The following AADAT variants were observed in gnomAD, a reference collection of about 807,000 sequenced individuals.
The protein encoded by AADAT is aminoadipate aminotransferase, also known as kynurenine/alpha-aminoadipate aminotransferase, mitochondrial.
A neutral mutation model predicts 56.2 loss-of-function variants in AADAT; 25 were observed. The observed-to-expected ratio is 0.44, with a 90% CI of 0.32 to 0.62. The LOEUF (loss-of-function observed/expected upper bound fraction) is 0.62, where lower values mean the gene tolerates loss of function less well. AADAT is among the 20% of genes least tolerant of loss of function. The probability of loss-of-function intolerance (pLI) is 0.04; values close to 1 mark genes in which losing one functional copy is unlikely to be tolerated. For synonymous variants in AADAT, 173 were observed against 164.7 expected, an observed-to-expected ratio of 1.05 and a Z score of -0.39; for missense variants, 387 against 510.5, an observed-to-expected ratio of 0.76 and a Z score of 2.33.
intron 3 of AADAT, among the ~76,000 whole-genome samples, chr4:170,084,197 G>A (rs114028828): frequency 0.014 from 2,183 of 152,202 alleles, 51 homozygotes; most frequent in African/African-American, 0.051. Flanking sequence ...ATCTCATAAG[G>A]ATAGAGAGTA....
chr4:170,066,023 G>A (rs1458553068), intron 10 of AADAT, among the ~76,000 whole-genome samples: 1 of 152,122 alleles, frequency 6.6e-6, no homozygotes, highest in African/African-American at 2.4e-5. Context: ...TGATTAGAAG[G>A]CAAATAATTT....
intron 5 of AADAT, among the ~76,000 whole-genome samples, chr4:170,072,178 C>T (rs778442770): frequency 3.3e-5 from 5 of 151,810 alleles, no homozygotes; most frequent in Non-Finnish European, 5.9e-5. Flanking sequence ...GAACTTAGGA[C>T]AGAGCCTGGA....
chr4:170,085,726 C>CACT (rs1732527471), intron 3 of AADAT, among the ~76,000 whole-genome samples: 1 of 152,152 alleles, frequency 6.6e-6, no homozygotes, highest in South Asian at 2.1e-4. Flanking sequence ...AAGACTCAAA[C>CACT]ACTAGCTAAT....
chr4:170,070,565 G>A, intron 6 of AADAT, 22 bp downstream of exon 6: 2 of 1,543,954 alleles, frequency 1.3e-6, no homozygotes, highest in Non-Finnish European at 1.8e-6. Flanking sequence ...TAATAGTGAA[G>A]TAAGTTCACA....
intron 3 of AADAT, among the ~76,000 whole-genome samples, chr4:170,085,027 A>ATCTT (rs1309402774): frequency 2.0e-5 from 3 of 152,182 alleles, no homozygotes; most frequent in African/African-American, 7.2e-5. Flanking sequence ...GAGGATGAAG[A>ATCTT]CCTATATGAT....
intron 3 of AADAT, among the ~76,000 whole-genome samples, chr4:170,082,866 C>G (rs1732382147): frequency 6.6e-6 from 1 of 151,638 alleles, no homozygotes; most frequent in Non-Finnish European, 1.5e-5. Context: ...GTCAATTCAG[C>G]AAGATAATAC....
At chr4:170,081,208 G>A (rs968943569) in intron 3 of AADAT, among the ~76,000 whole-genome samples, 2 of 152,118 alleles carry the variant, frequency 1.3e-5, no homozygotes, top group African/African-American at 4.8e-5. Flanking sequence ...CATCAAAATG[G>A]ACCCAGCAGA....
chr4:170,078,531 G>A lies in AADAT; in HGVS notation c.422C>T (p.Ala141Val). Reference protein sequence around the residue: ...PGDNVLLDEPAYSGTLQSLHP... With the variant: ...PGDNVLLDEPVYSGTLQSLHP... ...CACACTTTGAAGAGTTCCTGAATAA[G>A]CAGGTTCATCTAGGAGGACATTATC... is the stretch of plus-strand genomic sequence containing the variant. The change falls in exon 4 of 13, where the codon GCT (alanine) becomes GTT (valine). Residue 141 changes from alanine (A) to valine (V), a missense_variant. Physicochemically the swap from Ala to Val is moderately conservative, Grantham distance 64. Coordinates refer to ENST00000337664, the MANE Select transcript of AADAT (RefSeq NM_016228.4). The A allele has an allele frequency of 6.2e-7, 1 of 1,606,702 alleles. No individual in the cohort carries two copies. Among genetic ancestry groups the A allele is most frequent in the Non-Finnish European group, 8.5e-7 (1 of 1,175,886 alleles).
At chr4:170,068,737 T>C in intron 7 of AADAT, 50 bp from the exon 8 acceptor site, 1 of 1,183,770 alleles carries the variant, frequency 8.4e-7, no homozygotes, top group South Asian at 1.4e-5. Flanking sequence ...TAACAATTAA[T>C]ACATATCACT....
Position 170,070,638 on chromosome 4 carries a change from A to G in AADAT, c.669T>C (p.Tyr223=), listed in dbSNP as rs1490841294. 1.9e-6 allele frequency: 3 copies of G among 1,575,010 alleles called. No individual in the cohort carries two copies. Among genetic ancestry groups the G allele is most frequent in the African/African-American group, 2.7e-5 (2 of 73,818 alleles). Reference sequence around the variant, plus strand: ...GATCATCTTCTATTATGAGGAAATCATATTTTCTTGCAAGCTAAAAAAGGT... The same window carrying G: ...GATCATCTTCTATTATGAGGAAATCGTATTTTCTTGCAAGCTAAAAAAGGT... ...KKEIYELARK[Y]DFLIIEDDPY... Residue 223 remains tyrosine (Y), a synonymous_variant, in exon 6 of 13, where the codon TAT becomes TAC. Transcript: ENST00000337664.
chr4:170,070,105 C>T (rs191944485), intron 6 of AADAT, among the ~76,000 whole-genome samples: 4 of 152,000 alleles, frequency 2.6e-5, no homozygotes, highest in African/African-American at 7.2e-5. Flanking sequence ...TTGTGTCCAT[C>T]GGGGATGCTG....
upstream of AADAT, among the ~76,000 whole-genome samples, chr4:170,091,415 G>A (rs1055898044): frequency 2.0e-5 from 3 of 152,202 alleles, no homozygotes; most frequent in East Asian, 1.9e-4. Context: ...CAGCAATGCC[G>A]GCTCACCGGC....
At chr4:170,074,612 G>A (rs1265827262) in intron 4 of AADAT, among the ~76,000 whole-genome samples, 1 of 152,120 alleles carries the variant, frequency 6.6e-6, no homozygotes, top group Non-Finnish European at 1.5e-5. Context: ...ATACAGCGCA[G>A]CCTGGAATGG....
intron 3 of AADAT, among the ~76,000 whole-genome samples, chr4:170,084,165 T>A (rs1005202691): frequency 6.6e-6 from 1 of 152,096 alleles, no homozygotes; most frequent in Non-Finnish European, 1.5e-5. Flanking sequence ...TTCTCCCTCA[T>A]CTGTGGGAGC....
chr4:170,076,865 C>A (rs1732061114), intron 4 of AADAT, among the ~76,000 whole-genome samples: 1 of 152,042 alleles, frequency 6.6e-6, no homozygotes, highest in Non-Finnish European at 1.5e-5. Flanking sequence ...GGTCTTTGAT[C>A]CATTTTGAGT....
chr4:170,093,580 C>G (rs1021103706), upstream of AADAT, among the ~76,000 whole-genome samples: 14 of 152,156 alleles, frequency 9.2e-5, no homozygotes, highest in African/African-American at 3.4e-4. Context: ...ATTTATTACT[C>G]ACAGGCTATT....
intron 8 of AADAT, 50 bp from the exon 9 acceptor site, chr4:170,067,438 C>A (rs1481409881): frequency 6.7e-7 from 1 of 1,496,054 alleles, no homozygotes; most frequent in Non-Finnish European, 9.2e-7. Context: ...TGAAAATGTA[C>A]TTTTTGCCAT....
chr4:170,083,821 TAC>T (rs1732428099), intron 3 of AADAT, among the ~76,000 whole-genome samples: 1 of 152,140 alleles, frequency 6.6e-6, no homozygotes, highest in Non-Finnish European at 1.5e-5. Context: ...TGGAGAACAG[TAC>T]AGAGGTTCCT....
At chr4:170,092,204 T>G (rs1258919933), upstream of AADAT, among the ~76,000 whole-genome samples, 2 of 152,262 alleles carry the variant, frequency 1.3e-5, no homozygotes, top group Non-Finnish European at 1.5e-5. Context: ...GTGGTGGTTT[T>G]GTTTTCTCGC....
Sources: allele counts gnomAD v4.1 joint callset (sites outside exome capture counted in the v4.1 genomes callset), GRCh38; gene constraint gnomAD v4.1.1; transcripts MANE v1.5; gene names NCBI Gene and HGNC (gene_info 2026-07-23, HGNC 2026-07-21).